VTI1A: variants seen among roughly 807,000 people sequenced by gnomAD.
The protein encoded by VTI1A is vesicle transport through interaction with t-SNAREs 1A, also known as vesicle transport through interaction with t-SNAREs homolog 1A.
In VTI1A, 22 loss-of-function variants were observed where a neutral mutation model predicts 34.9. The observed-to-expected ratio is 0.63, with a 90% CI of 0.45 to 0.90. VTI1A has a LOEUF of 0.90. Among genes scored for constraint, VTI1A ranks in the 40% least tolerant of loss-of-function variants. The pLI is 0.00. For missense variants in VTI1A, 268 were observed against 275.6 expected (o/e 0.97, Z 0.20); for synonymous variants, 87 against 97.3 (o/e 0.89, Z 0.62).
chr10:112,589,026 T>TAAAG (rs1844274388), intron 5 of VTI1A, among the ~76,000 whole-genome samples: 1 of 151,542 alleles, frequency 6.6e-6, no homozygotes, highest in East Asian at 1.9e-4. Context: ...GTCTTTTTTT[T>TAAAG]TTTTTTTTTT....
rs111379597 is a variant in VTI1A, at chr10:112,606,346, A to T, written c.428-61872A>T. The stretch of plus-strand genomic sequence containing the variant: ...GGCCATTGCGTGCTATTCTGATATA[A>T]CTCTTACCAGCTTGAGCATCAAGTC... On this transcript the variant is annotated intron_variant, in intron 5 of 7. Transcript: ENST00000393077. 6.1e-3 allele frequency among the ~76,000 whole-genome samples: 931 copies of T among 151,866 alleles called. 15 individuals are homozygous for T. The highest frequency in any genetic ancestry group is 0.022 in the African/African-American group (902 of 41,382).
intron 5 of VTI1A, among the ~76,000 whole-genome samples, chr10:112,551,112 T>C (rs926222590): frequency 2.0e-5 from 3 of 151,824 alleles, no homozygotes; most frequent in Admixed American, 6.6e-5. Flanking sequence ...GGCGTGATAG[T>C]GGGCGCCTGT....
At chr10:112,677,212 G>A (rs1848064564) in intron 7 of VTI1A, among the ~76,000 whole-genome samples, 1 of 152,120 alleles carries the variant, frequency 6.6e-6, no homozygotes, top group Non-Finnish European at 1.5e-5. Context: ...AATGGATACT[G>A]GGTGGGCAAA....
chr10:112,515,142 T>C (rs561567368), intron 3 of VTI1A, among the ~76,000 whole-genome samples: 5 of 152,232 alleles, frequency 3.3e-5, no homozygotes, highest in African/African-American at 1.2e-4. Context: ...TTCAGCTTGA[T>C]GCAGAGTCAT....
intron 5 of VTI1A, among the ~76,000 whole-genome samples, chr10:112,624,950 T>C (rs1420913339): frequency 6.6e-6 from 1 of 151,900 alleles, no homozygotes; most frequent in Non-Finnish European, 1.5e-5. Flanking sequence ...TTTAAAAAAT[T>C]AGCCAGGCAC....
chr10:112,736,594 C>A, intron 7 of VTI1A: 1 of 1,414,246 alleles, frequency 7.1e-7, no homozygotes, highest in South Asian at 1.4e-5. Context: ...CTGAAAGTGG[C>A]TCCTCTGATA....
intron 5 of VTI1A, among the ~76,000 whole-genome samples, chr10:112,586,744 C>T (rs1844177916): frequency 6.6e-6 from 1 of 152,164 alleles, no homozygotes. Flanking sequence ...AAAACAGTTA[C>T]TCTCATAGCC....
chr10:112,473,103 CTTTTTTT>C (rs201001465), intron 3 of VTI1A, among the ~76,000 whole-genome samples: 1 of 133,874 alleles, frequency 7.5e-6, no homozygotes, highest in South Asian at 2.4e-4. Context: ...ATTTGATCCA[CTTTTTTT>C]TTTTTTTTTT....
At position 112,818,555 on chromosome 10, in the gene VTI1A, G is replaced by C; in HGVS notation, c.*3172G>C. On this transcript the variant is annotated 3_prime_UTR_variant, in exon 8 of 8. Coordinates refer to ENST00000393077, the MANE Select transcript of VTI1A (RefSeq NM_145206.4). ...CTGCTGTATTTGAAGTTGTAATGGT[G>C]TCAAAAAGTCACGACTGACTGACAG... The C allele has an allele frequency of 4.5e-6, 1 of 224,270 alleles. No homozygotes were observed. The highest frequency in any genetic ancestry group is 8.9e-6 in the Non-Finnish European group (1 of 112,076). The allele number at this position is 224,270 out of a possible 1,614,324, so 13.9% of individuals were successfully genotyped here.
At chr10:112,608,367 G>C (rs1845167596) in intron 5 of VTI1A, among the ~76,000 whole-genome samples, 1 of 152,102 alleles carries the variant, frequency 6.6e-6, no homozygotes, top group Non-Finnish European at 1.5e-5. Flanking sequence ...TGTTTAAAAA[G>C]AACATTTATG....
intron 5 of VTI1A, among the ~76,000 whole-genome samples, chr10:112,594,910 ATAC>A (rs1002070457): frequency 6.6e-6 from 1 of 151,306 alleles, no homozygotes; most frequent in African/African-American, 2.5e-5. Context: ...ACTTCAAACT[ATAC>A]TACAAGGCTA....
At chr10:112,742,080 C>G (rs916139725) in intron 7 of VTI1A, among the ~76,000 whole-genome samples, 1 of 152,188 alleles carries the variant, frequency 6.6e-6, no homozygotes. Flanking sequence ...ATTCCGTTCC[C>G]ACTTTACTTT....
At chr10:112,779,106 C>T (rs1203508560) in intron 7 of VTI1A, among the ~76,000 whole-genome samples, 1 of 152,146 alleles carries the variant, frequency 6.6e-6, no homozygotes, top group Non-Finnish European at 1.5e-5. Flanking sequence ...GAAAGAAATA[C>T]CAAAGGGTAC....
chr10:112,533,412 T>TG (rs1323674783), intron 4 of VTI1A: 1 of 661,252 alleles, frequency 1.5e-6, no homozygotes, highest in Non-Finnish European at 1.9e-6. Context: ...GATTTTTAAA[T>TG]GCTAAACATG....
chr10:112,853,973 A>C, the VTI1A span, among the ~76,000 whole-genome samples: 3 of 152,140 alleles, frequency 2.0e-5, no homozygotes, highest in African/African-American at 7.2e-5. Context: ...AGATCCTCAG[A>C]TCCTCCGAGA....
In VTI1A at chr10:112,815,535, A is replaced by C. The variant is rs1853493660; in HGVS notation, c.*152A>C. The C allele has an allele frequency of 4.8e-6, 3 of 627,034 alleles. No individual in the cohort carries two copies. 38.8% of individuals were successfully genotyped at this position (627,034 alleles called of 1,614,324 possible). ...TGGGCTGAAGTGCAAAGAGTGTAAAAATATTTTCTATTCCTGTTTGCATGT... is the reference window on the plus strand; with the variant it reads ...TGGGCTGAAGTGCAAAGAGTGTAAACATATTTTCTATTCCTGTTTGCATGT... On this transcript the variant is annotated 3_prime_UTR_variant, in exon 8 of 8. Coordinates refer to ENST00000393077, the MANE Select transcript of VTI1A (RefSeq NM_145206.4).
chr10:112,580,461 A>T (rs1843886844), intron 5 of VTI1A, among the ~76,000 whole-genome samples: 1 of 152,182 alleles, frequency 6.6e-6, no homozygotes, highest in Non-Finnish European at 1.5e-5. Flanking sequence ...TTGCTGAACC[A>T]TCGCAAAGGC....
chr10:112,778,097 C>G (rs1213172739), intron 7 of VTI1A, among the ~76,000 whole-genome samples: 1 of 151,518 alleles, frequency 6.6e-6, no homozygotes, highest in African/African-American at 2.4e-5. Flanking sequence ...AGCAAAACTC[C>G]ATCTCAAAAA....
intron 3 of VTI1A, among the ~76,000 whole-genome samples, chr10:112,486,841 C>T (rs911220319): frequency 6.6e-6 from 1 of 151,738 alleles, no homozygotes; most frequent in Admixed American, 6.6e-5. Flanking sequence ...GACTTTATGG[C>T]CAATCCCTAG....
Sources: allele counts gnomAD v4.1 joint callset (sites outside exome capture counted in the v4.1 genomes callset), GRCh38; gene constraint gnomAD v4.1.1; transcripts MANE v1.5; gene names NCBI Gene and HGNC (gene_info 2026-07-23, HGNC 2026-07-21).